The following HS3ST5 variants were observed in gnomAD, a reference collection of about 807,000 sequenced individuals.
HS3ST5 encodes the protein heparan sulfate-glucosamine 3-sulfotransferase 5, also known as heparan sulfate glucosamine 3-O-sulfotransferase 5.
In HS3ST5, 10 loss-of-function variants were observed where a neutral mutation model predicts 25.4. The observed-to-expected ratio is 0.39, with a 90% confidence interval of 0.24 to 0.67. The LOEUF (loss-of-function observed/expected upper bound fraction) is 0.67, where lower values mean the gene tolerates loss of function less well. HS3ST5 is among the 30% of genes least tolerant of loss of function. The probability of loss-of-function intolerance (pLI) is 0.44; values close to 1 mark genes in which losing one functional copy is unlikely to be tolerated. For synonymous variants in HS3ST5, 170 were observed against 162.4 expected (o/e 1.05, Z -0.36); for missense variants, 324 against 420.7 (o/e 0.77, Z 2.01).
At chr6:114,259,950 C>T (rs114515917) in intron 1 of HS3ST5, among the ~76,000 whole-genome samples, 2,573 of 152,124 alleles carry the variant, frequency 0.017, 90 homozygotes, top group African/African-American at 0.058. Context: ...TTAACTTATG[C>T]TATGTCACAA....
At chr6:114,070,195 G>A (rs545013349) in intron 3 of HS3ST5, among the ~76,000 whole-genome samples, 11 of 150,286 alleles carry the variant, frequency 7.3e-5, no homozygotes, top group Non-Finnish European at 1.3e-4. Flanking sequence ...ATAAATATTC[G>A]TTCATTGATT....
At chr6:114,218,871 T>C (rs975030905) in intron 2 of HS3ST5, among the ~76,000 whole-genome samples, 3 of 152,226 alleles carry the variant, frequency 2.0e-5, no homozygotes, top group Non-Finnish European at 2.9e-5. Context: ...ATATGAAATA[T>C]AGAAGGATAA....
intron 2 of HS3ST5, among the ~76,000 whole-genome samples, chr6:114,193,981 G>A (rs769477792): frequency 6.6e-6 from 1 of 151,938 alleles, no homozygotes; most frequent in Admixed American, 6.6e-5. Context: ...TTGATAAATG[G>A]GCCTATAAAA....
chr6:114,193,739 T>C lies in HS3ST5; in HGVS notation c.-144-25277A>G, dbSNP rs371820404. Among the ~76,000 whole-genome samples, 17 of 152,174 alleles carry C rather than the reference T, an allele frequency of 1.1e-4. No individual in the cohort carries two copies. In the East Asian group the frequency reaches 3.1e-3, roughly 28 times the overall value. On this transcript the variant is annotated intron_variant, in intron 2 of 4. Transcript: ENST00000312719. Reference sequence around the variant, plus strand: ...ATTATTATCCCCCAAAGACAACTACTTCTTGAGTAATCAATATTACTATTA... The same window carrying C: ...ATTATTATCCCCCAAAGACAACTACCTCTTGAGTAATCAATATTACTATTA...
intron 1 of HS3ST5, among the ~76,000 whole-genome samples, chr6:114,267,299 G>A (rs13204144): frequency 0.35 from 52,602 of 152,060 alleles, 9,137 homozygotes; most frequent in East Asian, 0.4. Flanking sequence ...CACTGAAGCC[G>A]GAATCTGTTA....
chr6:114,279,401 A>G (rs1476902819), intron 1 of HS3ST5, among the ~76,000 whole-genome samples: 1 of 152,048 alleles, frequency 6.6e-6, no homozygotes, highest in Non-Finnish European at 1.5e-5. Context: ...CAACTTTATA[A>G]CCTGTTCTTT....
intron 3 of HS3ST5, among the ~76,000 whole-genome samples, chr6:114,108,786 A>G (rs989544357): frequency 6.6e-6 from 1 of 152,214 alleles, no homozygotes; most frequent in Non-Finnish European, 1.5e-5. Flanking sequence ...TGACAGGTAT[A>G]TACATATGTC....
chr6:114,310,504 G>A (rs769286801), intron 1 of HS3ST5, among the ~76,000 whole-genome samples: 1 of 151,674 alleles, frequency 6.6e-6, no homozygotes, highest in African/African-American at 2.4e-5. Context: ...TTGTGGAAAA[G>A]ACTTTATTTA....
At chr6:114,275,543 C>G (rs553391750) in intron 1 of HS3ST5, among the ~76,000 whole-genome samples, 49 of 151,964 alleles carry the variant, frequency 3.2e-4, no homozygotes, top group Non-Finnish European at 7.1e-4. Context: ...TGGCTCCCAA[C>G]TAAAACAAGG....
intron 2 of HS3ST5, among the ~76,000 whole-genome samples, chr6:114,215,233 G>T (rs1410760239): frequency 6.6e-6 from 1 of 152,112 alleles, no homozygotes; most frequent in Non-Finnish European, 1.5e-5. Context: ...ATGAATCCGG[G>T]AGGCGGAGCT....
Position 114,291,443 on chromosome 6 carries a change from C to G in HS3ST5, c.-339+50752G>C, listed in dbSNP as rs370114840. On this transcript the variant is annotated intron_variant, in intron 1 of 4. Transcript: ENST00000312719. ...GAAGAAAGTCAAGTCAGTCATTAGT[C>G]TGACACATATTTATGAGGCTCAGTA... 3.0e-4 allele frequency among the ~76,000 whole-genome samples: 45 copies of G among 152,286 alleles called. No homozygotes were observed. The East Asian group carries it at 7.5e-3, about 26-fold the overall frequency.
chr6:114,084,859 G>A (rs1192844890), intron 3 of HS3ST5: 1 of 574,124 alleles, frequency 1.7e-6, no homozygotes, highest in Non-Finnish European at 3.1e-6. Flanking sequence ...TTGAGACGGA[G>A]TCTCCCTCTG....
chr6:114,116,787 T>C (rs1361624888), intron 3 of HS3ST5, among the ~76,000 whole-genome samples: 1 of 152,142 alleles, frequency 6.6e-6, no homozygotes, highest in African/African-American at 2.4e-5. Flanking sequence ...GTTTAAGTAA[T>C]GGCTTACTTC....
intron 1 of HS3ST5, among the ~76,000 whole-genome samples, chr6:114,272,031 C>T (rs887919126): frequency 6.6e-6 from 1 of 152,142 alleles, no homozygotes; most frequent in Admixed American, 6.6e-5. Context: ...CAACCATATC[C>T]TAATGCTACA....
intron 1 of HS3ST5, among the ~76,000 whole-genome samples, chr6:114,232,268 T>G (rs115733979): frequency 6.6e-6 from 1 of 152,328 alleles, no homozygotes; most frequent in East Asian, 1.9e-4. Context: ...ATAAGAAAGC[T>G]CATGAAGGTC....
At chr6:114,063,505 C>T (rs78867595) in intron 3 of HS3ST5, among the ~76,000 whole-genome samples, 218 of 144,718 alleles carry the variant, frequency 1.5e-3, no homozygotes, top group African/African-American at 5.3e-3. Flanking sequence ...ACAGAGAAGA[C>T]CTGTCTCAGA....
intron 2 of HS3ST5, among the ~76,000 whole-genome samples, chr6:114,221,984 A>G (rs1782063519): frequency 8.3e-6 from 1 of 120,710 alleles, no homozygotes; most frequent in African/African-American, 2.6e-5. Context: ...TATCTCAAGT[A>G]TGAATATCAA....
intron 3 of HS3ST5, 75 bp downstream of exon 3, chr6:114,168,276 T>G (rs1438418722): frequency 6.6e-6 from 1 of 152,088 alleles, no homozygotes; most frequent in Non-Finnish European, 1.5e-5. Context: ...AGATGGCAGG[T>G]ATATAACACG....
intron 2 of HS3ST5, among the ~76,000 whole-genome samples, chr6:114,204,414 C>T (rs1050835120): frequency 5.9e-5 from 9 of 152,088 alleles, no homozygotes; most frequent in African/African-American, 1.9e-4. Flanking sequence ...GTGATTGGTA[C>T]TCTTTTATTT....
Sources: allele counts gnomAD v4.1 joint callset (sites outside exome capture counted in the v4.1 genomes callset), GRCh38; gene constraint gnomAD v4.1.1; transcripts MANE v1.5; gene names NCBI Gene and HGNC (gene_info 2026-07-23, HGNC 2026-07-21).